The following CCDC85A variants were observed in gnomAD, a reference collection of about 807,000 sequenced individuals.
The protein encoded by CCDC85A is coiled-coil domain containing 85A.
A neutral mutation model predicts 50.2 loss-of-function variants in CCDC85A; 38 were observed. That is an observed-to-expected ratio of 0.76 (90% CI 0.58 to 0.99). CCDC85A has a LOEUF of 0.99. Ranked by LOEUF, CCDC85A falls within the 50% of genes least tolerant of loss-of-function variation. The pLI is 0.00. For synonymous variants in CCDC85A, 366 were observed against 301.4 expected (o/e 1.21, Z -2.22); for missense variants, 820 against 742.0 (o/e 1.11, Z -1.22).
At chr2:56,219,445 A>G (rs1252350989) in intron 2 of CCDC85A, among the ~76,000 whole-genome samples, 2 of 151,684 alleles carry the variant, frequency 1.3e-5, no homozygotes, top group South Asian at 2.1e-4. Context: ...GAAAATTGCA[A>G]CCATTTTAAG....
intron 2 of CCDC85A, among the ~76,000 whole-genome samples, chr2:56,300,444 C>G (rs1451560891): frequency 1.3e-5 from 2 of 152,138 alleles, no homozygotes; most frequent in Admixed American, 1.3e-4. Context: ...GTTGACAATC[C>G]TCTCTCCACT....
In CCDC85A at chr2:56,184,750, G is replaced by C. The variant is rs952714241; in HGVS notation, c.126G>C (p.Glu42Asp). ...AGGACCTGTCCAAAGTGTCGGACGA[G>C]GAGCTGCTGCAGTGGAGCAAGGAGG... ...PVEDLSKVSD[E>D]ELLQWSKEEL... The change falls in exon 1 of 6, where the codon GAG (glutamate) becomes GAC (aspartate). Residue 42 changes from glutamate (E) to aspartate (D), a missense_variant. By Grantham distance (45) the Glu-to-Asp change is conservative (BLOSUM62 2). Coordinates refer to ENST00000407595, the MANE Select transcript of CCDC85A (RefSeq NM_001080433.2). The C allele has an allele frequency of 2.3e-5, 35 of 1,543,884 alleles. No individual in the cohort carries two copies. Among genetic ancestry groups the C allele is most frequent in the Non-Finnish European group, 3.1e-5 (35 of 1,145,404 alleles).
At chr2:56,265,778 C>A (rs1204851238) in intron 2 of CCDC85A, among the ~76,000 whole-genome samples, 1 of 151,906 alleles carries the variant, frequency 6.6e-6, no homozygotes. Context: ...TTTGATCCAG[C>A]AGTCTCACTA....
chr2:56,248,958 A>T (rs1319678431), intron 2 of CCDC85A, among the ~76,000 whole-genome samples: 1 of 152,240 alleles, frequency 6.6e-6, no homozygotes, highest in African/African-American at 2.4e-5. Flanking sequence ...AAGTGCCTGT[A>T]TTGGCAAGAA....
chr2:56,358,076 A>G (rs925163520), intron 3 of CCDC85A, among the ~76,000 whole-genome samples: 7 of 152,252 alleles, frequency 4.6e-5, no homozygotes, highest in South Asian at 2.1e-4. Context: ...TAGTATTTCT[A>G]TTTTGCTCAG....
In CCDC85A at chr2:56,345,929, G is replaced by T. The variant is rs369284721; in HGVS notation, c.1317+2974G>T. 7.2e-5 allele frequency among the ~76,000 whole-genome samples: 11 copies of T among 152,294 alleles called. No individual in the cohort carries two copies. In the East Asian group the frequency reaches 1.4e-3, roughly 19 times the overall value. On this transcript the variant is annotated intron_variant, in intron 3 of 5. Transcript: ENST00000407595. ...GATTTTCAGTTATAAGAATTTGTTT[G>T]CTATGCCTTGATCAGAAGGTATTCC...
At chr2:56,346,705 C>G (rs1044767686) in intron 3 of CCDC85A, among the ~76,000 whole-genome samples, 17 of 152,156 alleles carry the variant, frequency 1.1e-4, no homozygotes, top group Admixed American at 4.6e-4. Context: ...AAGAAAATGC[C>G]TCTTCAAAGT....
intron 3 of CCDC85A, among the ~76,000 whole-genome samples, chr2:56,368,302 T>G (rs1419663511): frequency 3.9e-5 from 6 of 152,156 alleles, no homozygotes; most frequent in African/African-American, 1.4e-4. Flanking sequence ...TCTTAGCATT[T>G]CTAAGCCTAT....
intron 2 of CCDC85A, among the ~76,000 whole-genome samples, chr2:56,213,287 A>G (rs961196682): frequency 6.6e-6 from 1 of 151,986 alleles, no homozygotes; most frequent in Non-Finnish European, 1.5e-5. Context: ...GAATTTTACA[A>G]TTTCAAGCTC....
chr2:56,197,978 C>T (rs1447502872), intron 2 of CCDC85A, among the ~76,000 whole-genome samples: 1 of 152,140 alleles, frequency 6.6e-6, no homozygotes, highest in Non-Finnish European at 1.5e-5. Flanking sequence ...GCACTGCCGG[C>T]AATGCTAATG....
chr2:56,358,679 C>T (rs1675361488), intron 3 of CCDC85A, among the ~76,000 whole-genome samples: 1 of 152,188 alleles, frequency 6.6e-6, no homozygotes, highest in Admixed American at 6.5e-5. Context: ...ACAAAATAGA[C>T]AGTGGCCTGG....
intron 2 of CCDC85A, among the ~76,000 whole-genome samples, chr2:56,237,289 C>T (rs774923463): frequency 6.6e-6 from 1 of 152,126 alleles, no homozygotes; most frequent in Non-Finnish European, 1.5e-5. Context: ...AGTAATTCAC[C>T]AAGATTATCC....
At chr2:56,210,364 G>A (rs1488168730) in intron 2 of CCDC85A, among the ~76,000 whole-genome samples, 2 of 152,070 alleles carry the variant, frequency 1.3e-5, no homozygotes, top group Non-Finnish European at 2.9e-5. Context: ...CCACATGACT[G>A]CAGTCAGTGG....
intron 3 of CCDC85A, among the ~76,000 whole-genome samples, chr2:56,355,698 A>G (rs989898601): frequency 1.1e-4 from 16 of 152,210 alleles, no homozygotes; most frequent in Admixed American, 3.3e-4. Flanking sequence ...TAATTTGACT[A>G]TTGTTCTTAG....
intron 3 of CCDC85A, among the ~76,000 whole-genome samples, chr2:56,356,899 C>T (rs911043573): frequency 6.6e-6 from 1 of 151,748 alleles, no homozygotes; most frequent in Non-Finnish European, 1.5e-5. Flanking sequence ...GAAACCCCAT[C>T]TCTACTAAAA....
chr2:56,190,844 CCAGT>C (rs1193078837), intron 1 of CCDC85A, among the ~76,000 whole-genome samples: 3 of 152,176 alleles, frequency 2.0e-5, no homozygotes, highest in Admixed American at 6.5e-5. Context: ...CTCCCCTACC[CCAGT>C]CAGTCTGTTT....
chr2:56,252,298 G>A (rs961559566), intron 2 of CCDC85A, among the ~76,000 whole-genome samples: 3 of 151,938 alleles, frequency 2.0e-5, no homozygotes, highest in East Asian at 1.9e-4. Flanking sequence ...CACCTGCCTC[G>A]GCCTCTCAAA....
intron 2 of CCDC85A, among the ~76,000 whole-genome samples, chr2:56,228,948 A>G (rs1668663210): frequency 6.6e-6 from 1 of 152,218 alleles, no homozygotes; most frequent in African/African-American, 2.4e-5. Context: ...CATTTAAATA[A>G]CAAGCCTTCT....
intron 4 of CCDC85A, 79 bp downstream of exon 4, chr2:56,372,557 TG>T: frequency 3.7e-6 from 5 of 1,365,758 alleles, no homozygotes; most frequent in Non-Finnish European, 4.8e-6. Flanking sequence ...AAAGTTATAC[TG>T]GGGGGTAGAA....
Sources: gnomAD v4.1 joint callset for allele counts (sites outside exome capture counted in the v4.1 genomes callset) on GRCh38, gnomAD v4.1.1 for gene constraint, MANE v1.5 for transcripts, NCBI Gene and HGNC (gene_info 2026-07-23, HGNC 2026-07-21) for gene names.